The following TSPAN14 variants were observed in gnomAD, a reference collection of about 807,000 sequenced individuals.
TSPAN14 encodes tetraspanin 14.
Under a neutral mutation model 36.6 loss-of-function variants are expected in TSPAN14, and 16 were observed. That is an observed-to-expected ratio of 0.44 (90% CI 0.30 to 0.66). The LOEUF (loss-of-function observed/expected upper bound fraction) is 0.66, where lower values mean the gene tolerates loss of function less well. Ranked by LOEUF, TSPAN14 falls within the 30% of genes least tolerant of loss-of-function variation. The probability of loss-of-function intolerance (pLI) is 0.12; values close to 1 mark genes in which losing one functional copy is unlikely to be tolerated. For synonymous variants in TSPAN14, 139 were observed against 143.8 expected, an observed-to-expected ratio of 0.97 and a Z score of 0.24; for missense variants, 231 against 355.1, an observed-to-expected ratio of 0.65 and a Z score of 2.81.
intron 6 of TSPAN14, among the ~76,000 whole-genome samples, chr10:80,513,057 C>T (rs1840744107): frequency 6.6e-6 from 1 of 152,176 alleles, no homozygotes; most frequent in Non-Finnish European, 1.5e-5. Flanking sequence ...AGCACCACAC[C>T]TGGCTAATTT....
chr10:80,500,056 T>TG (rs1441337890), intron 2 of TSPAN14, among the ~76,000 whole-genome samples: 2 of 152,102 alleles, frequency 1.3e-5, no homozygotes, highest in Non-Finnish European at 2.9e-5. Flanking sequence ...AAGGGTTCCG[T>TG]GGGGTGAAGC....
chr10:80,503,367 G>A (rs962590676), intron 2 of TSPAN14, among the ~76,000 whole-genome samples: 5 of 152,134 alleles, frequency 3.3e-5, no homozygotes, highest in Admixed American at 6.5e-5. Context: ...TCTGGCACTC[G>A]GGATGTACTC....
At chr10:80,471,901 G>A (rs1206402346) in intron 1 of TSPAN14, among the ~76,000 whole-genome samples, 1 of 152,220 alleles carries the variant, frequency 6.6e-6, no homozygotes, top group African/African-American at 2.4e-5. Flanking sequence ...TGGGTGCTGG[G>A]CGTGGTGGCT....
intron 1 of TSPAN14, among the ~76,000 whole-genome samples, chr10:80,480,445 T>A (rs139257007): frequency 0.021 from 3,178 of 152,160 alleles, 88 homozygotes; most frequent in East Asian, 0.079. Context: ...TACCCAAAGG[T>A]CTATAAATCA....
intron 2 of TSPAN14, among the ~76,000 whole-genome samples, chr10:80,491,694 G>T (rs539545680): frequency 1.3e-5 from 2 of 152,348 alleles, no homozygotes; most frequent in East Asian, 3.9e-4. Flanking sequence ...ATGGTAGCAA[G>T]TCTGCTTGGT....
At chr10:80,490,203 T>C (rs141116878) in intron 2 of TSPAN14, among the ~76,000 whole-genome samples, 759 of 152,196 alleles carry the variant, frequency 5.0e-3, no homozygotes, top group Non-Finnish European at 7.7e-3. Flanking sequence ...AGATGGGATT[T>C]GGGGTAGAAG....
At chr10:80,489,232 AGATGCACTATTATAGAT>A in exon 2 of TSPAN14, 1 of 1,577,466 alleles carries the variant, frequency 6.3e-7, no homozygotes, top group Non-Finnish European at 8.6e-7. Flanking sequence ...GCTTCTCAGA[AGATGCACTATTATAGAT>A]ACTCTAACGC....
chr10:80,473,057 C>G (rs1230503536), intron 1 of TSPAN14, among the ~76,000 whole-genome samples: 3 of 152,204 alleles, frequency 2.0e-5, no homozygotes, highest in African/African-American at 7.2e-5. Context: ...TAAAAGTGTC[C>G]TGCTCTGCCT....
chr10:80,510,620 A>G (rs1026520724), intron 5 of TSPAN14, among the ~76,000 whole-genome samples: 1 of 152,218 alleles, frequency 6.6e-6, no homozygotes, highest in African/African-American at 2.4e-5. Context: ...CACGCCTGTA[A>G]TCCCAGCACT....
chr10:80,493,141 G>A (rs1848012506), intron 2 of TSPAN14, among the ~76,000 whole-genome samples: 1 of 152,146 alleles, frequency 6.6e-6, no homozygotes, highest in African/African-American at 2.4e-5. Flanking sequence ...GGTTGTGCTA[G>A]ACCTGTTTTT....
chr10:80,501,105 G>GTTTTTT (rs10713598), intron 2 of TSPAN14, among the ~76,000 whole-genome samples: 2 of 140,004 alleles, frequency 1.4e-5, no homozygotes, highest in Non-Finnish European at 3.1e-5. Context: ...AACTGACGCT[G>GTTTTTT]TTTTTTTTTT....
intron 1 of TSPAN14, among the ~76,000 whole-genome samples, chr10:80,458,134 A>G (rs775666951): frequency 3.3e-5 from 5 of 152,194 alleles, no homozygotes; most frequent in Non-Finnish European, 5.9e-5. Context: ...CCTTTCCTAG[A>G]AGCAGGAGCA....
At chr10:80,474,037 G>A (rs1224441999) in intron 1 of TSPAN14, among the ~76,000 whole-genome samples, 1 of 152,100 alleles carries the variant, frequency 6.6e-6, no homozygotes, top group African/African-American at 2.4e-5. Flanking sequence ...CCTTTGGCCT[G>A]TGAATGTTCC....
At chr10:80,464,242 C>T (rs777196060) in intron 1 of TSPAN14, among the ~76,000 whole-genome samples, 20 of 152,320 alleles carry the variant, frequency 1.3e-4, no homozygotes, top group East Asian at 7.7e-4. Context: ...CTTGGCCTTT[C>T]GCTGCTCTGC....
chr10:80,480,103 T>C (rs559476930), intron 1 of TSPAN14, among the ~76,000 whole-genome samples: 19 of 151,366 alleles, frequency 1.3e-4, no homozygotes. Context: ...TTGTCTGTTA[T>C]TGGCGTCTAA....
At chr10:80,494,369 AAG>A (rs1848077893) in intron 2 of TSPAN14, among the ~76,000 whole-genome samples, 1 of 152,204 alleles carries the variant, frequency 6.6e-6, no homozygotes, top group South Asian at 2.1e-4. Context: ...TTTTGACAGT[AAG>A]AGAATTTTGA....
Position 80,509,910 on chromosome 10 carries a change from G to A in TSPAN14, c.450+439G>A, listed in dbSNP as rs1840526453. On this transcript the variant is annotated intron_variant, in intron 5 of 8. Transcript: ENST00000429989. The surrounding 1 kb of genome is among the most constrained non-coding windows in gnomAD (Gnocchi z 4.7). ...CGGGACCTTTTCCCCTTCCTCCCTG[G>A]GACCTTTTCCCCTTCCTGTTTAAGA... 1.2e-5 allele frequency: 2 copies of A among 162,062 alleles called. 1 individual carries two copies. The highest frequency in any genetic ancestry group is 3.3e-4 in the South Asian group (2 of 6,074). 10.0% of individuals were successfully genotyped at this position (162,062 alleles called of 1,614,324 possible). A position where few individuals can be genotyped will look rare whatever the true frequency, so the allele number is the denominator to read the frequency against.
chr10:80,510,297 A>AC (rs1776998762), intron 5 of TSPAN14, among the ~76,000 whole-genome samples: 4 of 152,272 alleles, frequency 2.6e-5, no homozygotes, highest in Non-Finnish European at 5.9e-5. Flanking sequence ...ATTATTAACC[A>AC]AAACTTGTTC....
chr10:80,468,748 G>T (rs1307527498), intron 1 of TSPAN14: 3 of 149,318 alleles, frequency 2.0e-5, no homozygotes, highest in Admixed American at 2.0e-4. Context: ...GTGAGATAGG[G>T]TCTGACTGTG....
Sources: gnomAD v4.1 joint callset for allele counts (sites outside exome capture counted in the v4.1 genomes callset) on GRCh38, gnomAD v4.1.1 for gene constraint, Gnocchi (gnomAD v3.1) non-coding constraint, MANE v1.5 for transcripts, NCBI Gene and HGNC (gene_info 2026-07-23, HGNC 2026-07-21) for gene names.